Variants in NXPE2 observed in about 807,000 individuals in gnomAD.
The protein encoded by NXPE2 is NXPE family member 2.
NXPE2 carries 34 observed loss-of-function variants against 34.4 expected under a neutral mutation model. The ratio of observed to expected loss-of-function variants is 0.99; its 90% CI spans 0.75 to 1.31. NXPE2 has a LOEUF of 1.31. Among genes scored for constraint, NXPE2 ranks in the 40% most tolerant of loss-of-function variants. The pLI, the probability that NXPE2 is intolerant of heterozygous loss-of-function variation, is 0.00. For missense variants in NXPE2, 649 were observed against 672.5 expected (o/e 0.97, Z 0.39); for synonymous variants, 235 against 231.3 (o/e 1.02, Z -0.15).
rs1482429826 is a variant in NXPE2 at position 114,698,700 on chromosome 11, G to T, written c.788G>T (p.Cys263Phe). The T allele has an allele frequency of 3.1e-6, 5 of 1,613,702 alleles. No individual in the cohort carries two copies. The highest frequency in any genetic ancestry group is 4.2e-6 in the Non-Finnish European group (5 of 1,179,688). Reference protein sequence around the residue: ...FYCVRPQHMPCEALTHMTTRT... With the variant: ...FYCVRPQHMPFEALTHMTTRT... ...TGTGTGAGGCCTCAACATATGCCCTGTGAGGCCTTGACCCACATGACCACT... is the reference window on the plus strand; with the variant it reads ...TGTGTGAGGCCTCAACATATGCCCTTTGAGGCCTTGACCCACATGACCACT... Residue 263 changes from cysteine to phenylalanine, a missense_variant, in exon 3 of 6, where the codon TGT becomes TTT. By Grantham distance (205) the Cys-to-Phe change is radical (BLOSUM62 -2). Coordinates refer to ENST00000389586, the MANE Select transcript of NXPE2 (RefSeq NM_182495.6).
chr11:114,749,732 C>G, the NXPE2 span, among the ~76,000 whole-genome samples: 1 of 152,200 alleles, frequency 6.6e-6, no homozygotes, highest in African/African-American at 2.4e-5. Flanking sequence ...TTCATGTGAA[C>G]ACCCTCTTTG....
At chr11:114,480,350 C>T in the NXPE2 span, among the ~76,000 whole-genome samples, 28 of 152,268 alleles carry the variant, frequency 1.8e-4, no homozygotes, top group East Asian at 2.7e-3. Flanking sequence ...TCAGGGGTGG[C>T]CACATGGCCC....
At chr11:114,606,869 GATA>G in the NXPE2 span, among the ~76,000 whole-genome samples, 2 of 152,038 alleles carry the variant, frequency 1.3e-5, 1 homozygote, top group South Asian at 4.1e-4. Context: ...TTATGCAGTG[GATA>G]ATAAGTATTG....
At chr11:114,633,303 T>G in the NXPE2 span, among the ~76,000 whole-genome samples, 1 of 140,554 alleles carries the variant, frequency 7.1e-6, no homozygotes, top group African/African-American at 2.6e-5. Context: ...TCTAATGTAA[T>G]AAAATATATA....
chr11:114,562,066 T>C, the NXPE2 span, among the ~76,000 whole-genome samples: 1 of 152,222 alleles, frequency 6.6e-6, no homozygotes, highest in African/African-American at 2.4e-5. Context: ...TAAATTCTTG[T>C]ATCAACTGTC....
chr11:114,789,833 C>G, the NXPE2 span, among the ~76,000 whole-genome samples: 2 of 152,234 alleles, frequency 1.3e-5, no homozygotes, highest in Non-Finnish European at 2.9e-5. Flanking sequence ...ATTTACTCAT[C>G]TGTTTCATTA....
the NXPE2 span, among the ~76,000 whole-genome samples, chr11:114,633,619 C>G: frequency 6.6e-6 from 1 of 151,240 alleles, no homozygotes; most frequent in East Asian, 1.9e-4. Context: ...CCACCCTGCC[C>G]CCAGCCCACA....
At chr11:114,560,275 T>C in the NXPE2 span, among the ~76,000 whole-genome samples, 10 of 138,920 alleles carry the variant, frequency 7.2e-5, no homozygotes, top group African/African-American at 3.0e-4. Context: ...TTTTTTTTCT[T>C]TTTTTTTTTT....
chr11:114,487,955 C>A, the NXPE2 span, among the ~76,000 whole-genome samples: 1 of 152,018 alleles, frequency 6.6e-6, no homozygotes, highest in Admixed American at 6.6e-5. Flanking sequence ...TGATATTGAC[C>A]TTTAGCTTTC....
chr11:114,536,094 A>AG, the NXPE2 span, among the ~76,000 whole-genome samples: 34 of 152,338 alleles, frequency 2.2e-4, no homozygotes, highest in South Asian at 6.2e-3. Context: ...CTCAGACCAC[A>AG]GTGCAATCAA....
the NXPE2 span, among the ~76,000 whole-genome samples, chr11:114,649,130 T>C: frequency 7.1e-6 from 1 of 140,128 alleles, no homozygotes; most frequent in Admixed American, 7.3e-5. Context: ...CAGCTTGTCA[T>C]GTTTTTTTTT....
At chr11:114,686,303 G>T (rs1450306542) in intron 2 of NXPE2, among the ~76,000 whole-genome samples, 2 of 151,914 alleles carry the variant, frequency 1.3e-5, no homozygotes, top group Non-Finnish European at 2.9e-5. Flanking sequence ...AGTGTTTATT[G>T]TTCTCATCTT....
chr11:114,537,830 C>G, the NXPE2 span, among the ~76,000 whole-genome samples: 1 of 151,744 alleles, frequency 6.6e-6, no homozygotes, highest in African/African-American at 2.4e-5. Context: ...TAGGAAGAAT[C>G]AGTATCATGA....
At chr11:114,690,007 CA>C (rs1365678276) in intron 2 of NXPE2, among the ~76,000 whole-genome samples, 1 of 152,120 alleles carries the variant, frequency 6.6e-6, no homozygotes, top group Non-Finnish European at 1.5e-5. Context: ...CTCCTGAAGA[CA>C]GCAGAAGGAT....
the NXPE2 span, among the ~76,000 whole-genome samples, chr11:114,606,409 G>T: frequency 6.6e-6 from 1 of 151,932 alleles, no homozygotes; most frequent in Non-Finnish European, 1.5e-5. Context: ...TTACCCGGTG[G>T]ATAATAAGTA....
the NXPE2 span, among the ~76,000 whole-genome samples, chr11:114,586,054 GTTCT>G: frequency 2.0e-5 from 3 of 152,134 alleles, no homozygotes; most frequent in African/African-American, 7.2e-5. Flanking sequence ...GTCCTAACCA[GTTCT>G]TTGTGTGCTA....
At chr11:114,651,612 A>T in the NXPE2 span, among the ~76,000 whole-genome samples, 1 of 151,966 alleles carries the variant, frequency 6.6e-6, no homozygotes, top group Non-Finnish European at 1.5e-5. Flanking sequence ...TGATTGGTCC[A>T]TTTTACAGAG....
the NXPE2 span, among the ~76,000 whole-genome samples, chr11:114,572,094 C>T: frequency 6.6e-6 from 1 of 152,154 alleles, no homozygotes; most frequent in Admixed American, 6.6e-5. Context: ...TGCAGACACT[C>T]TCCAGTACCA....
At chr11:114,494,944 T>C in the NXPE2 span, among the ~76,000 whole-genome samples, 4 of 152,254 alleles carry the variant, frequency 2.6e-5, no homozygotes, top group African/African-American at 9.6e-5. Flanking sequence ...AACCCAGTAA[T>C]ACTGTGGCTC....
Sources: gnomAD v4.1 joint callset for allele counts (sites outside exome capture counted in the v4.1 genomes callset) on GRCh38, gnomAD v4.1.1 for gene constraint, MANE v1.5 for transcripts, NCBI Gene and HGNC (gene_info 2026-07-23, HGNC 2026-07-21) for gene names.